The following CD247 variants were observed in gnomAD, a reference collection of about 807,000 sequenced individuals.
The protein encoded by CD247 is CD247 molecule.
CD247 carries 13 observed loss-of-function variants against 30.0 expected under a neutral mutation model. The observed-to-expected ratio is 0.43, with a 90% CI of 0.28 to 0.69. The LOEUF (loss-of-function observed/expected upper bound fraction) is 0.69. CD247 is among the 30% of genes least tolerant of loss of function. The pLI is 0.16. For synonymous variants in CD247, 72 were observed against 80.0 expected, an observed-to-expected ratio of 0.90 and a Z score of 0.53; for missense variants, 193 against 212.6, an observed-to-expected ratio of 0.91 and a Z score of 0.57.
intron 6 of CD247, 151 bp downstream of exon 6, chr1:167,433,869 G>C (rs546201708): frequency 1.3e-6 from 1 of 779,556 alleles, no homozygotes; most frequent in African/African-American, 1.7e-5. Context: ...CTGCCCGGCT[G>C]GGTGACAGCC....
chr1:167,435,572 C>A, intron 4 of CD247, 138 bp from the exon 5 acceptor site: 1 of 754,322 alleles, frequency 1.3e-6, no homozygotes, highest in Admixed American at 2.0e-5. Flanking sequence ...TGTGCTACCC[C>A]AGCCTTGCCT....
intron 1 of CD247, among the ~76,000 whole-genome samples, chr1:167,515,903 T>G (rs1773557): frequency 0.1 from 15,670 of 152,312 alleles, 1,694 homozygotes; most frequent in African/African-American, 0.27. Flanking sequence ...CTGTCTACTA[T>G]GTATTGGACA....
chr1:167,461,748 T>C (rs1425137686), intron 1 of CD247, among the ~76,000 whole-genome samples: 3 of 151,936 alleles, frequency 2.0e-5, no homozygotes, highest in African/African-American at 7.3e-5. Context: ...CTCAGGAGGC[T>C]GAGGCAGGAG....
At chr1:167,467,289 T>G (rs1653299166) in intron 1 of CD247, among the ~76,000 whole-genome samples, 1 of 152,262 alleles carries the variant, frequency 6.6e-6, no homozygotes. Context: ...AAGGTTAACA[T>G]AATCTGCTTT....
At chr1:167,449,366 C>T (rs1484661182) in intron 1 of CD247, among the ~76,000 whole-genome samples, 2 of 151,282 alleles carry the variant, frequency 1.3e-5, no homozygotes, top group Non-Finnish European at 2.9e-5. Flanking sequence ...GTTGGCCAGG[C>T]TGTTCTCAAA....
chr1:167,446,423 T>G (rs1285619144), intron 1 of CD247, among the ~76,000 whole-genome samples: 1 of 152,140 alleles, frequency 6.6e-6, no homozygotes, highest in Non-Finnish European at 1.5e-5. Flanking sequence ...ATTGGCTTGT[T>G]TTGGAACAGT....
At chr1:167,441,148 G>A (rs141506667) in intron 1 of CD247, among the ~76,000 whole-genome samples, 14 of 152,338 alleles carry the variant, frequency 9.2e-5, no homozygotes, top group African/African-American at 3.1e-4. Flanking sequence ...TTCACGTCTG[G>A]ATGAATGGTA....
chr1:167,443,382 G>A (rs1437970216), intron 1 of CD247, among the ~76,000 whole-genome samples: 1 of 152,344 alleles, frequency 6.6e-6, no homozygotes, highest in Non-Finnish European at 1.5e-5. Flanking sequence ...TGGCCCCAAG[G>A]TATTGCTGGA....
chr1:167,487,534 C>T (rs1193131741), intron 1 of CD247, among the ~76,000 whole-genome samples: 1 of 152,194 alleles, frequency 6.6e-6, no homozygotes, highest in Non-Finnish European at 1.5e-5. Context: ...CTCAGCCTGG[C>T]ACCTCCATCC....
chr1:167,470,686 T>C lies in CD247; in HGVS notation c.59-29919A>G, dbSNP rs1053634793. Among the ~76,000 whole-genome samples, 21 of 152,006 alleles carry C rather than the reference T, an allele frequency of 1.4e-4. 1 individual carries two copies. The South Asian group carries it at 1.7e-3, about 12-fold the overall frequency. ...AATTAGGATCATATGTTAGGGTTTG[T>C]GTTTGTTTGATTTTTCTTAGTATTA... On this transcript the variant is annotated intron_variant, in intron 1 of 7. Transcript: ENST00000362089.
At chr1:167,451,780 G>T (rs1243005199) in intron 1 of CD247, among the ~76,000 whole-genome samples, 1 of 152,198 alleles carries the variant, frequency 6.6e-6, no homozygotes. Flanking sequence ...ATTAGTGGGG[G>T]CCCTGATCCA....
intron 1 of CD247, among the ~76,000 whole-genome samples, chr1:167,492,099 G>A (rs1011960520): frequency 3.3e-5 from 5 of 152,138 alleles, no homozygotes; most frequent in South Asian, 2.1e-4. Flanking sequence ...TCAACTGTGC[G>A]CTTAAACATG....
At chr1:167,498,409 G>A (rs1405559124) in intron 1 of CD247, among the ~76,000 whole-genome samples, 3 of 152,192 alleles carry the variant, frequency 2.0e-5, no homozygotes, top group African/African-American at 4.8e-5. Context: ...ATGAGCACAG[G>A]CTTCAGGGAC....
chr1:167,484,911 C>T (rs1320815749), intron 1 of CD247, among the ~76,000 whole-genome samples: 1 of 152,222 alleles, frequency 6.6e-6, no homozygotes, highest in Admixed American at 6.5e-5. Context: ...CCTTGGCTGT[C>T]CAGGGAGGGG....
At chr1:167,487,772 A>G (rs1654276940) in intron 1 of CD247, among the ~76,000 whole-genome samples, 1 of 152,250 alleles carries the variant, frequency 6.6e-6, no homozygotes, top group African/African-American at 2.4e-5. Context: ...TGTGTTGTCC[A>G]GGCTGGAGTG....
intron 1 of CD247, among the ~76,000 whole-genome samples, chr1:167,503,890 G>A (rs547907573): frequency 1.3e-5 from 2 of 152,316 alleles, no homozygotes; most frequent in African/African-American, 2.4e-5. Flanking sequence ...TTCAGGGATG[G>A]GGTAGGGATT....
intron 1 of CD247, among the ~76,000 whole-genome samples, chr1:167,443,953 C>A (rs573133498): frequency 6.6e-6 from 1 of 152,128 alleles, no homozygotes; most frequent in Non-Finnish European, 1.5e-5. Flanking sequence ...TTCAGTTACG[C>A]AATTAATTAA....
intron 1 of CD247, among the ~76,000 whole-genome samples, chr1:167,441,694 C>G (rs1361541362): frequency 6.6e-6 from 1 of 152,246 alleles, no homozygotes; most frequent in East Asian, 1.9e-4. Flanking sequence ...CCAGGGGCCC[C>G]TAACTCCTAG....
intron 1 of CD247, among the ~76,000 whole-genome samples, chr1:167,458,124 G>A (rs1652797112): frequency 6.6e-6 from 1 of 152,244 alleles, no homozygotes; most frequent in Non-Finnish European, 1.5e-5. Context: ...AAATACTGGT[G>A]TTAATACAGT....
Sources: gnomAD v4.1 joint callset for allele counts (sites outside exome capture counted in the v4.1 genomes callset) on GRCh38, gnomAD v4.1.1 for gene constraint, MANE v1.5 for transcripts, NCBI Gene and HGNC (gene_info 2026-07-23, HGNC 2026-07-21) for gene names.